The following CNTNAP2 variants were observed in gnomAD, a reference collection of about 807,000 sequenced individuals.
CNTNAP2 encodes the protein contactin associated protein 2, also known as contactin-associated protein-like 2.
In CNTNAP2, 98 loss-of-function variants were observed where a neutral mutation model predicts 155.2. The observed-to-expected ratio is 0.63, with a 90% confidence interval of 0.54 to 0.75. CNTNAP2 has a LOEUF of 0.75. Among genes scored for constraint, CNTNAP2 ranks in the 30% least tolerant of loss-of-function variants. The pLI is 0.00. For synonymous variants in CNTNAP2, 651 were observed against 631.2 expected (o/e 1.03, Z -0.47); for missense variants, 1,727 against 1,688.1 (o/e 1.02, Z -0.40).
chr7:147,636,424 C>CTTTTTTG (rs113776095), intron 12 of CNTNAP2, among the ~76,000 whole-genome samples: 3,118 of 145,512 alleles, frequency 0.021, 114 homozygotes, highest in African/African-American at 0.08. Context: ...TTAACTTTTA[C>CTTTTTTG]TTTTTTATTT....
At chr7:147,285,943 C>T (rs978214785) in intron 8 of CNTNAP2, among the ~76,000 whole-genome samples, 3 of 152,030 alleles carry the variant, frequency 2.0e-5, no homozygotes, top group Non-Finnish European at 4.4e-5. Flanking sequence ...TTTATTTATT[C>T]TTCCAAAGCT....
intron 3 of CNTNAP2, among the ~76,000 whole-genome samples, chr7:146,843,509 A>T (rs1056549508): frequency 6.6e-6 from 1 of 152,034 alleles, no homozygotes; most frequent in Non-Finnish European, 1.5e-5. Flanking sequence ...AAATATTGCA[A>T]AATATATTTA....
At chr7:146,862,482 C>A (rs1452625068) in intron 3 of CNTNAP2, among the ~76,000 whole-genome samples, 17 of 151,872 alleles carry the variant, frequency 1.1e-4, no homozygotes, top group Admixed American at 1.1e-3. Flanking sequence ...GACATCTGGG[C>A]ACAAAAAAAC....
chr7:148,219,632 G>C (rs1399364965), intron 19 of CNTNAP2, among the ~76,000 whole-genome samples: 1 of 152,158 alleles, frequency 6.6e-6, no homozygotes, highest in Non-Finnish European at 1.5e-5. Context: ...AGTAGTTCAA[G>C]ACTAGCCTGG....
intron 10 of CNTNAP2, among the ~76,000 whole-genome samples, chr7:147,432,212 C>A (rs997841847): frequency 8.5e-5 from 13 of 152,152 alleles, no homozygotes; most frequent in Admixed American, 2.6e-4. Flanking sequence ...GGTCTCTGTG[C>A]ATTGTGAGAT....
chr7:146,384,529 TGTAA>T (rs1183698637), intron 1 of CNTNAP2, among the ~76,000 whole-genome samples: 1 of 152,216 alleles, frequency 6.6e-6, no homozygotes, highest in Non-Finnish European at 1.5e-5. Context: ...CCATATCCTC[TGTAA>T]GTATTAAATT....
chr7:147,211,557 A>T (rs1464963764), intron 8 of CNTNAP2, among the ~76,000 whole-genome samples: 1 of 152,028 alleles, frequency 6.6e-6, no homozygotes, highest in African/African-American at 2.4e-5. Flanking sequence ...AAAAATTAGG[A>T]ATGGAGAAAC....
chr7:146,562,827 A>G (rs1798300339), intron 1 of CNTNAP2, among the ~76,000 whole-genome samples: 1 of 152,120 alleles, frequency 6.6e-6, no homozygotes, highest in Non-Finnish European at 1.5e-5. Flanking sequence ...CAATCAATTG[A>G]TTGAAACTAA....
At chr7:148,132,417 A>G (rs987990534) in intron 16 of CNTNAP2, among the ~76,000 whole-genome samples, 2 of 145,704 alleles carry the variant, frequency 1.4e-5, no homozygotes, top group Non-Finnish European at 3.0e-5. Context: ...GTACTTCTCA[A>G]TTTTTAAGGG....
At chr7:147,647,154 A>AT (rs953991688) in intron 13 of CNTNAP2, among the ~76,000 whole-genome samples, 2 of 150,190 alleles carry the variant, frequency 1.3e-5, no homozygotes, top group Non-Finnish European at 3.0e-5. Context: ...CGCCCAGCTA[A>AT]TTTTTTTTCT....
chr7:146,879,756 AT>A (rs1277383559), intron 3 of CNTNAP2, among the ~76,000 whole-genome samples: 2 of 152,008 alleles, frequency 1.3e-5, no homozygotes, highest in Non-Finnish European at 2.9e-5. Context: ...AGTGAATGTT[AT>A]TTTTCTTTAT....
At chr7:146,330,244 A>G (rs1362417900) in intron 1 of CNTNAP2, among the ~76,000 whole-genome samples, 1 of 151,198 alleles carries the variant, frequency 6.6e-6, no homozygotes, top group Non-Finnish European at 1.5e-5. Flanking sequence ...CTGGTCTCGA[A>G]CTCCCGACCT....
chr7:147,748,272 G>A (rs745528841), intron 13 of CNTNAP2, among the ~76,000 whole-genome samples: 1 of 152,112 alleles, frequency 6.6e-6, no homozygotes, highest in Non-Finnish European at 1.5e-5. Flanking sequence ...ACAAAATAGA[G>A]TCTTAAGTCA....
At chr7:146,294,933 T>C (rs1800489046) in intron 1 of CNTNAP2, among the ~76,000 whole-genome samples, 1 of 152,212 alleles carries the variant, frequency 6.6e-6, no homozygotes, top group African/African-American at 2.4e-5. Context: ...AGAGATTATA[T>C]GCTTTTTATT....
chr7:146,561,790 T>C (rs1398315317), intron 1 of CNTNAP2, among the ~76,000 whole-genome samples: 1 of 152,152 alleles, frequency 6.6e-6, no homozygotes, highest in African/African-American at 2.4e-5. Context: ...ATTTTTGTTG[T>C]CGTTGTTTAT....
chr7:147,908,862 A>T (rs1290893335), intron 14 of CNTNAP2, among the ~76,000 whole-genome samples: 1 of 152,234 alleles, frequency 6.6e-6, no homozygotes, highest in Non-Finnish European at 1.5e-5. Flanking sequence ...CAAAATGAGG[A>T]CAAAGTACCC....
intron 11 of CNTNAP2, among the ~76,000 whole-genome samples, chr7:147,558,325 T>C (rs1015632083): frequency 6.6e-6 from 1 of 152,216 alleles, no homozygotes; most frequent in African/African-American, 2.4e-5. Flanking sequence ...TTTTACTGTA[T>C]TGTCTTTCAG....
intron 11 of CNTNAP2, among the ~76,000 whole-genome samples, chr7:147,545,887 C>T (rs958442466): frequency 2.6e-5 from 4 of 152,174 alleles, no homozygotes; most frequent in Non-Finnish European, 5.9e-5. Context: ...TTCCCCTATA[C>T]TATTCTCGTG....
chr7:146,401,677 C>A (rs958701359), intron 1 of CNTNAP2, among the ~76,000 whole-genome samples: 2 of 152,118 alleles, frequency 1.3e-5, no homozygotes, highest in African/African-American at 2.4e-5. Flanking sequence ...TTTACATCTG[C>A]CTCGTGTGTT....
Sources: allele counts gnomAD v4.1 joint callset (sites outside exome capture counted in the v4.1 genomes callset), GRCh38; gene constraint gnomAD v4.1.1; transcripts MANE v1.5; gene names NCBI Gene and HGNC (gene_info 2026-07-23, HGNC 2026-07-21).